Variants in SLC8A1 observed in about 807,000 individuals in gnomAD.
SLC8A1 encodes solute carrier family 8 member A1, also known as sodium/calcium exchanger 1.
Under a neutral mutation model 68.3 loss-of-function variants are expected in SLC8A1, and 18 were observed. The ratio of observed to expected loss-of-function variants is 0.26; its 90% CI spans 0.18 to 0.39. The LOEUF (loss-of-function observed/expected upper bound fraction) is 0.39, where lower values mean the gene tolerates loss of function less well. Ranked by LOEUF, SLC8A1 falls within the 10% of genes least tolerant of loss-of-function variation. The pLI is 1.00. For synonymous variants in SLC8A1, 475 were observed against 415.5 expected (o/e 1.14, Z -1.74); for missense variants, 985 against 1,156.7 (o/e 0.85, Z 2.15).
intron 6 of SLC8A1, among the ~76,000 whole-genome samples, chr2:40,155,793 G>A (rs1212329490): frequency 6.6e-6 from 1 of 152,138 alleles, no homozygotes; most frequent in Non-Finnish European, 1.5e-5. Flanking sequence ...GGACTGGTGG[G>A]CTAAGGTGAC....
At chr2:40,453,719 C>T (rs1702819222), upstream of SLC8A1, among the ~76,000 whole-genome samples, 1 of 152,200 alleles carries the variant, frequency 6.6e-6, no homozygotes, top group Non-Finnish European at 1.5e-5. Context: ...GGCCAATACT[C>T]CTCAAACATG....
chr2:40,426,500 T>C (rs1248467735), intron 2 of SLC8A1, among the ~76,000 whole-genome samples: 1 of 152,030 alleles, frequency 6.6e-6, no homozygotes, highest in Non-Finnish European at 1.5e-5. Context: ...CAATCCTTTT[T>C]AAAAATCCTT....
At chr2:40,318,605 C>A (rs1233435042) in intron 2 of SLC8A1, among the ~76,000 whole-genome samples, 6 of 152,088 alleles carry the variant, frequency 3.9e-5, no homozygotes, top group Non-Finnish European at 1.5e-5. Flanking sequence ...CTGCCTCCAA[C>A]CATATGGAGT....
intron 2 of SLC8A1, among the ~76,000 whole-genome samples, chr2:40,333,519 C>CCAATG (rs1029640858): frequency 9.3e-5 from 14 of 150,674 alleles, no homozygotes; most frequent in African/African-American, 3.2e-4. Context: ...GTTGAGGTAA[C>CCAATG]CAATGTTATT....
rs1706304842 is a variant in SLC8A1, at chr2:40,505,342, T to C, written c.-25+7007A>G. On this transcript the variant is annotated intron_variant, in intron 1 of 7. Coordinates refer to the SLC8A1 transcript ENST00000402441. ...ACATTTTAAAGTATTGTAAAGAGTC[T>C]AATGGGATTGTTTATAACTCAAAGG... Among the ~76,000 whole-genome samples, 7 of 152,018 alleles carry C rather than the reference T, an allele frequency of 4.6e-5. No individual in the cohort carries two copies. In the South Asian group the frequency reaches 1.4e-3, roughly 31 times the overall value.
intron 2 of SLC8A1, among the ~76,000 whole-genome samples, chr2:40,206,286 A>C (rs1461685555): frequency 6.6e-6 from 1 of 152,014 alleles, no homozygotes; most frequent in African/African-American, 2.4e-5. Flanking sequence ...ACTTTCCTCA[A>C]CTTCTAGAAT....
chr2:40,185,146 A>G (rs995447184), intron 2 of SLC8A1, among the ~76,000 whole-genome samples: 5 of 152,236 alleles, frequency 3.3e-5, no homozygotes, highest in Non-Finnish European at 7.3e-5. Context: ...TGGAACCCTC[A>G]TATGCTGCTA....
intron 2 of SLC8A1, among the ~76,000 whole-genome samples, chr2:40,245,405 C>A (rs426140): frequency 0.73 from 110,849 of 152,050 alleles, 41,058 homozygotes; most frequent in Admixed American, 0.82. Flanking sequence ...TGAAAGGCCA[C>A]GTGTCCACCA....
intron 2 of SLC8A1, among the ~76,000 whole-genome samples, chr2:40,423,869 T>C (rs1020085356): frequency 4.0e-5 from 6 of 151,872 alleles, no homozygotes; most frequent in African/African-American, 1.2e-4. Flanking sequence ...CTTTTAGTTA[T>C]AATTTAGGTT....
chr2:40,472,326 C>T (rs570100662), intron 1 of SLC8A1, among the ~76,000 whole-genome samples: 3 of 152,100 alleles, frequency 2.0e-5, no homozygotes, highest in Admixed American at 6.5e-5. Flanking sequence ...ATGAAACATT[C>T]CATCTTCCTT....
intron 1 of SLC8A1, among the ~76,000 whole-genome samples, chr2:40,447,631 T>C (rs1385877627): frequency 6.6e-6 from 1 of 151,870 alleles, no homozygotes; most frequent in Non-Finnish European, 1.5e-5. Context: ...GCTAATGATT[T>C]GTGAGAATTA....
intron 2 of SLC8A1, among the ~76,000 whole-genome samples, chr2:40,225,365 A>T (rs1424044137): frequency 6.6e-6 from 1 of 152,168 alleles, no homozygotes; most frequent in East Asian, 1.9e-4. Context: ...GGTATTTAAA[A>T]TAGTATTTGG....
rs1488759906 is a variant in SLC8A1 at position 40,204,752 on chromosome 2, T to G, written c.1809-26897A>C. Among the ~76,000 whole-genome samples, 3 of 152,066 alleles carry G rather than the reference T, an allele frequency of 2.0e-5. No individual in the cohort carries two copies. In the South Asian group the frequency reaches 6.2e-4, roughly 31 times the overall value. On this transcript the variant is annotated intron_variant, in intron 2 of 7. Coordinates refer to ENST00000406785, the Ensembl canonical transcript of SLC8A1. ...AATAATAACTTTTATTTACTCAATATATCCAACATATCATAATCTTAACAT... is the reference window on the plus strand; with the variant it reads ...AATAATAACTTTTATTTACTCAATAGATCCAACATATCATAATCTTAACAT...
chr2:40,159,934 G>T (rs150467563), intron 6 of SLC8A1, among the ~76,000 whole-genome samples: 1 of 152,188 alleles, frequency 6.6e-6, no homozygotes, highest in East Asian at 1.9e-4. Flanking sequence ...TTACAGCTTG[G>T]GAATCACTAC....
intron 2 of SLC8A1, among the ~76,000 whole-genome samples, chr2:40,403,074 T>C (rs1216081876): frequency 6.6e-6 from 1 of 152,196 alleles, no homozygotes; most frequent in East Asian, 1.9e-4. Context: ...ATATGCACAA[T>C]ACACATAACG....
chr2:40,397,711 G>A (rs1687430476), intron 2 of SLC8A1, among the ~76,000 whole-genome samples: 2 of 152,126 alleles, frequency 1.3e-5, no homozygotes, highest in South Asian at 4.1e-4. Context: ...ATTCAGAAGT[G>A]GAAAGGATTC....
chr2:40,257,431 T>A (rs1245423157), intron 2 of SLC8A1, among the ~76,000 whole-genome samples: 1 of 152,142 alleles, frequency 6.6e-6, no homozygotes, highest in African/African-American at 2.4e-5. Context: ...CACCTTTTTT[T>A]TTTTTGACCT....
At chr2:40,408,645 T>A (rs1691132782) in intron 2 of SLC8A1, among the ~76,000 whole-genome samples, 1 of 152,140 alleles carries the variant, frequency 6.6e-6, no homozygotes, top group Non-Finnish European at 1.5e-5. Context: ...AATAACAGCT[T>A]CTAATGAACA....
intron 2 of SLC8A1, among the ~76,000 whole-genome samples, chr2:40,270,871 G>A (rs1245812882): frequency 6.6e-6 from 1 of 152,126 alleles, no homozygotes; most frequent in Non-Finnish European, 1.5e-5. Flanking sequence ...AGGGAGTGAG[G>A]CTTCAGGCTA....
Sources: gnomAD v4.1 joint callset for allele counts (sites outside exome capture counted in the v4.1 genomes callset) on GRCh38, gnomAD v4.1.1 for gene constraint, MANE v1.5 for transcripts, NCBI Gene and HGNC (gene_info 2026-07-23, HGNC 2026-07-21) for gene names.